Variants in EML4 observed in about 807,000 individuals in gnomAD.
The protein encoded by EML4 is EMAP like 4.
Under a neutral mutation model 129.0 loss-of-function variants are expected in EML4, and 72 were observed. The ratio of observed to expected loss-of-function variants is 0.56; its 90% confidence interval spans 0.46 to 0.68. EML4 has a LOEUF of 0.68. Among genes scored for constraint, EML4 ranks in the 30% least tolerant of loss-of-function variants. The pLI, the probability that EML4 is intolerant of heterozygous loss-of-function variation, is 0.00. For missense variants in EML4, 1,363 were observed against 1,190.6 expected, an observed-to-expected ratio of 1.14 and a Z score of -2.13; for synonymous variants, 532 against 405.0, an observed-to-expected ratio of 1.31 and a Z score of -3.77.
At chr2:42,200,465 CA>C (rs1672163242) in intron 1 of EML4, among the ~76,000 whole-genome samples, 1 of 152,166 alleles carries the variant, frequency 6.6e-6, no homozygotes, top group African/African-American at 2.4e-5. Context: ...CTTTTATGGA[CA>C]AATGTTAATT....
chr2:42,313,667 C>CCTGTA (rs1669081415), intron 17 of EML4, among the ~76,000 whole-genome samples: 1 of 152,168 alleles, frequency 6.6e-6, no homozygotes, highest in Admixed American at 6.5e-5. Flanking sequence ...GTGGCTCATG[C>CCTGTA]CTGTAATCCC....
intron 21 of EML4, among the ~76,000 whole-genome samples, chr2:42,327,404 T>A (rs1467163507): frequency 6.6e-6 from 1 of 152,236 alleles, no homozygotes; most frequent in African/African-American, 2.4e-5. Flanking sequence ...ATGTTTACTC[T>A]TTTGAGCAAC....
chr2:42,302,997 C>T (rs1668377207), intron 14 of EML4, 107 bp from the exon 15 acceptor site: 1 of 1,141,858 alleles, frequency 8.8e-7, no homozygotes, highest in Admixed American at 2.3e-5. Flanking sequence ...CAAATTTGGG[C>T]TTTCGTCATA....
At chr2:42,190,448 C>T (rs1235932956) in intron 1 of EML4, among the ~76,000 whole-genome samples, 1 of 152,088 alleles carries the variant, frequency 6.6e-6, no homozygotes, top group Non-Finnish European at 1.5e-5. Context: ...CGAAGAAAAC[C>T]AATGAATCAC....
At chr2:42,232,613 T>C (rs931873677) in intron 1 of EML4, among the ~76,000 whole-genome samples, 1 of 152,268 alleles carries the variant, frequency 6.6e-6, no homozygotes, top group East Asian at 1.9e-4. Context: ...TCCTATACTT[T>C]GATGAATCTG....
At chr2:42,208,529 A>T (rs1349936980) in intron 1 of EML4, among the ~76,000 whole-genome samples, 3 of 149,666 alleles carry the variant, frequency 2.0e-5, no homozygotes, top group African/African-American at 7.4e-5. Flanking sequence ...CCGCCCTCTG[A>T]GTTCAAGCTA....
chr2:42,331,437 G>A lies in EML4; in HGVS notation c.*1230G>A. On this transcript the variant is annotated 3_prime_UTR_variant, in exon 23 of 23. Coordinates refer to ENST00000318522, the MANE Select transcript of EML4 (RefSeq NM_019063.5). ...TTTTTAAGTTCTGTTGGCTAGCTAT[G>A]GTTTTCAGTACATTTCCTACTTTAA... 4.5e-6 allele frequency: 1 copy of A among 223,678 alleles called. No individual in the cohort carries two copies. Among genetic ancestry groups the A allele is most frequent in the Non-Finnish European group, 8.9e-6 (1 of 111,934 alleles). The allele number at this position is 223,678 out of a possible 1,614,324, so 13.9% of individuals were successfully genotyped here.
At chr2:42,174,658 C>G (rs1039284485) in intron 1 of EML4, among the ~76,000 whole-genome samples, 1 of 151,988 alleles carries the variant, frequency 6.6e-6, no homozygotes, top group African/African-American at 2.4e-5. Flanking sequence ...TTTTATAATA[C>G]CTTAATTTTG....
intron 1 of EML4, among the ~76,000 whole-genome samples, chr2:42,183,679 C>G (rs1210113972): frequency 6.6e-6 from 1 of 151,992 alleles, no homozygotes; most frequent in African/African-American, 2.4e-5. Context: ...AAATATAATA[C>G]TGTGTATACA....
At chr2:42,264,855 C>A in intron 6 of EML4, 124 bp downstream of exon 6, 4 of 1,491,094 alleles carry the variant, frequency 2.7e-6, no homozygotes, top group Non-Finnish European at 3.7e-6. Context: ...AAGTGCGTTA[C>A]TGTAGTCATT....
chr2:42,302,064 G>C (rs966913760), intron 14 of EML4, among the ~76,000 whole-genome samples: 1 of 151,922 alleles, frequency 6.6e-6, no homozygotes, highest in Non-Finnish European at 1.5e-5. Flanking sequence ...CATTCTTTGA[G>C]ATTATTATTA....
chr2:42,220,930 CT>C (rs1205726089), intron 1 of EML4, among the ~76,000 whole-genome samples: 8 of 152,194 alleles, frequency 5.3e-5, no homozygotes, highest in Non-Finnish European at 1.0e-4. Flanking sequence ...CTCTAACTCT[CT>C]TCATTTCTAT....
At chr2:42,230,902 GAGCTCTGCTCC>G (rs1183469991) in intron 1 of EML4, among the ~76,000 whole-genome samples, 1 of 152,136 alleles carries the variant, frequency 6.6e-6, no homozygotes, top group Non-Finnish European at 1.5e-5. Context: ...TCTAACGCTG[GAGCTCTGCTCC>G]ATGTCCTTAC....
chr2:42,269,481 G>C (rs972259820), intron 6 of EML4, among the ~76,000 whole-genome samples: 1 of 152,150 alleles, frequency 6.6e-6, no homozygotes, highest in African/African-American at 2.4e-5. Flanking sequence ...GTGTTGAACT[G>C]TGTGGAACTT....
intron 13 of EML4, 116 bp downstream of exon 13, chr2:42,295,632 A>C: frequency 1.3e-6 from 1 of 749,220 alleles, no homozygotes; most frequent in South Asian, 2.7e-5. Flanking sequence ...GCAAGTCACC[A>C]ACATACCTTT....
chr2:42,234,744 A>G lies in EML4; in HGVS notation c.26-10761A>G, dbSNP rs972615191. ...GTGAAAAAAGATGGTCATGTATATA[A>G]AACAGCAGCTTTTAATGGAAAATAA... On this transcript the variant is annotated intron_variant, in intron 1 of 22. Transcript: ENST00000318522. Among the ~76,000 whole-genome samples the G allele has an allele frequency of 3.9e-5, 6 of 152,380 alleles. No individual in the cohort carries two copies. The South Asian group carries it at 1.2e-3, about 32-fold the overall frequency.
intron 1 of EML4, among the ~76,000 whole-genome samples, chr2:42,228,343 C>T (rs191167811): frequency 2.6e-5 from 4 of 152,148 alleles, no homozygotes; most frequent in East Asian, 1.9e-4. Flanking sequence ...GCTCAAGGAT[C>T]GACATAGTTT....
At chr2:42,254,475 TAAGA>T (rs1263049485) in intron 2 of EML4, among the ~76,000 whole-genome samples, 7 of 147,676 alleles carry the variant, frequency 4.7e-5, no homozygotes, top group African/African-American at 7.5e-5. Context: ...AAAAAAAGAC[TAAGA>T]AAGAAGAAAA....
At chr2:42,260,624 A>G (rs911446386) in intron 3 of EML4, among the ~76,000 whole-genome samples, 1 of 152,250 alleles carries the variant, frequency 6.6e-6, no homozygotes, top group African/African-American at 2.4e-5. Flanking sequence ...TAAAATAACA[A>G]CTGGCATAAA....
Sources: allele counts gnomAD v4.1 joint callset (sites outside exome capture counted in the v4.1 genomes callset), GRCh38; gene constraint gnomAD v4.1.1; transcripts MANE v1.5; gene names NCBI Gene and HGNC (gene_info 2026-07-23, HGNC 2026-07-21).